The following MLIP variants were observed in gnomAD, a reference collection of about 807,000 sequenced individuals.
MLIP encodes the protein muscular LMNA interacting protein, also known as muscular LMNA-interacting protein.
MLIP carries 79 observed loss-of-function variants against 84.8 expected under a neutral mutation model. The observed-to-expected ratio is 0.93, with a 90% CI of 0.78 to 1.12. MLIP has a LOEUF of 1.12. Among genes scored for constraint, MLIP ranks in the 50% most tolerant of loss-of-function variants. The probability of loss-of-function intolerance (pLI) is 0.00; values close to 1 mark genes in which losing one functional copy is unlikely to be tolerated. For missense variants in MLIP, 1,257 were observed against 1,160.6 expected (o/e 1.08, Z -1.21); for synonymous variants, 504 against 463.0 (o/e 1.09, Z -1.14).
Position 54,158,883 on chromosome 6 carries a change from A to T in MLIP, c.2290-1484A>T, listed in dbSNP as rs1321887. Among the ~76,000 whole-genome samples, 55 of 134,672 alleles carry T rather than the reference A, an allele frequency of 4.1e-4. 1 individual carries two copies. Among genetic ancestry groups the T allele is most frequent in the South Asian group, 9.6e-4 (4 of 4,176 alleles). The allele number at this position is 134,672 out of a possible 152,430, so 88.4% of individuals were successfully genotyped here. ...GCAAGAAGTATGATAAAAAAAAAAA[A>T]TTTTCAAAGGGAAATGACAACCCCG... On this transcript the variant is annotated intron_variant, in intron 5 of 13. Coordinates refer to ENST00000502396, the MANE Select transcript of MLIP (RefSeq NM_001281747.2).
chr6:54,133,293 T>C (rs1192402950), intron 3 of MLIP, among the ~76,000 whole-genome samples: 1 of 152,160 alleles, frequency 6.6e-6, no homozygotes, highest in Non-Finnish European at 1.5e-5. Context: ...AAAGATTATT[T>C]AATGTGTTCA....
At chr6:54,244,999 T>C (rs1470375410) in intron 12 of MLIP, among the ~76,000 whole-genome samples, 3 of 152,198 alleles carry the variant, frequency 2.0e-5, no homozygotes, top group South Asian at 4.1e-4. Flanking sequence ...TTAAAGCTCT[T>C]GTAAAATAAC....
rs370480265 is a variant in MLIP, at chr6:54,263,078, C to T, written c.2977-2872C>T. 1.5e-4 allele frequency among the ~76,000 whole-genome samples: 23 copies of T among 152,118 alleles called. 1 individual carries two copies. Among genetic ancestry groups the T allele is most frequent in the African/African-American group, 5.5e-4 (23 of 41,518 alleles). On this transcript the variant is annotated intron_variant, in intron 13 of 13. Coordinates refer to ENST00000502396, the MANE Select transcript of MLIP (RefSeq NM_001281747.2). ...AGTTGGGTTTGATATTGTAGTGAGT[C>T]ATTGTCAAGTTGAGCAGAAGTCAGG...
intron 3 of MLIP, among the ~76,000 whole-genome samples, chr6:54,130,158 T>G (rs1771262582): frequency 6.6e-6 from 1 of 152,134 alleles, no homozygotes; most frequent in South Asian, 2.1e-4. Context: ...GCTGGCAGAA[T>G]CCCTATAGTC....
intron 12 of MLIP, among the ~76,000 whole-genome samples, chr6:54,245,936 G>A (rs1469422496): frequency 6.6e-6 from 1 of 152,122 alleles, no homozygotes; most frequent in African/African-American, 2.4e-5. Context: ...TGTGACCACT[G>A]TTTTACTCCT....
chr6:54,247,326 T>A (rs1782148640), intron 12 of MLIP, among the ~76,000 whole-genome samples: 1 of 152,104 alleles, frequency 6.6e-6, no homozygotes, highest in African/African-American at 2.4e-5. Flanking sequence ...TCCTTTGAAG[T>A]TTGAATAAAA....
At chr6:54,104,681 A>G (rs1768886478) in intron 1 of MLIP, among the ~76,000 whole-genome samples, 1 of 152,098 alleles carries the variant, frequency 6.6e-6, no homozygotes, top group Non-Finnish European at 1.5e-5. Flanking sequence ...AAGACCACAA[A>G]TAGAATTTTA....
At chr6:54,087,548 C>T (rs1056292350) in intron 1 of MLIP, among the ~76,000 whole-genome samples, 1 of 152,142 alleles carries the variant, frequency 6.6e-6, no homozygotes, top group Admixed American at 6.6e-5. Context: ...GGGGCCAACA[C>T]ATTTCCAGTA....
intron 12 of MLIP, among the ~76,000 whole-genome samples, chr6:54,249,131 G>A (rs931780049): frequency 2.0e-5 from 3 of 151,984 alleles, no homozygotes; most frequent in Non-Finnish European, 4.4e-5. Flanking sequence ...TTATTTCTGA[G>A]GTAGCATCAG....
At chr6:54,162,054 AT>A (rs575149056) in intron 8 of MLIP, among the ~76,000 whole-genome samples, 34 of 151,992 alleles carry the variant, frequency 2.2e-4, no homozygotes, top group Non-Finnish European at 4.9e-4. Flanking sequence ...AAAACCCAGT[AT>A]TTTAGGCCAC....
rs1278284942 is a variant in MLIP at position 54,065,500 on chromosome 6, T to C, written c.63+46409T>C. ...TTCCAAGGAAAAGCAATTACAAAAG[T>C]CTTAAACAACAGCAGAAGGGCATTC... On this transcript the variant is annotated intron_variant, in intron 1 of 12. Coordinates refer to the MLIP transcript ENST00000274897. Among the ~76,000 whole-genome samples, 2 of 100,076 alleles carry C rather than the reference T, an allele frequency of 2.0e-5. 1 individual carries two copies. The highest frequency in any genetic ancestry group is 5.3e-4 in the East Asian group (2 of 3,768). The allele number at this position is 100,076 out of a possible 152,430, so 65.7% of individuals were successfully genotyped here.
intron 1 of MLIP, among the ~76,000 whole-genome samples, chr6:54,071,299 T>G (rs1474640559): frequency 6.6e-6 from 1 of 152,138 alleles, no homozygotes; most frequent in Non-Finnish European, 1.5e-5. Context: ...TATGCATGAA[T>G]GCTGTTTCTA....
intron 11 of MLIP, among the ~76,000 whole-genome samples, chr6:54,208,104 G>A (rs1194219475): frequency 6.6e-6 from 1 of 151,706 alleles, no homozygotes; most frequent in East Asian, 1.9e-4. Flanking sequence ...CTCCAGGCTG[G>A]GCAACAGAGC....
intron 11 of MLIP, among the ~76,000 whole-genome samples, chr6:54,218,520 A>G (rs1212132979): frequency 3.3e-5 from 5 of 152,064 alleles, no homozygotes; most frequent in Non-Finnish European, 5.9e-5. Flanking sequence ...ACTACACTAA[A>G]TTTATTAATA....
chr6:54,206,748 T>C (rs1779058107), intron 11 of MLIP, among the ~76,000 whole-genome samples: 1 of 152,214 alleles, frequency 6.6e-6, no homozygotes, highest in Non-Finnish European at 1.5e-5. Context: ...CATCAAGTTG[T>C]ATTTCAACTG....
At chr6:54,157,944 G>T (rs1378753376) in intron 5 of MLIP, among the ~76,000 whole-genome samples, 2 of 152,126 alleles carry the variant, frequency 1.3e-5, no homozygotes, top group Non-Finnish European at 2.9e-5. Flanking sequence ...TTAATACAGA[G>T]AAGTGGATTT....
chr6:54,251,517 G>C (rs1782486772), intron 12 of MLIP, among the ~76,000 whole-genome samples: 1 of 101,990 alleles, frequency 9.8e-6, no homozygotes, highest in South Asian at 2.7e-4. Flanking sequence ...GGAATATATA[G>C]GTACAAACAC....
At chr6:54,223,088 G>A (rs1326917525) in intron 11 of MLIP, among the ~76,000 whole-genome samples, 1 of 151,364 alleles carries the variant, frequency 6.6e-6, no homozygotes, top group Non-Finnish European at 1.5e-5. Flanking sequence ...TGCTTTTTTG[G>A]TATTGAGTTG....
chr6:54,178,509 C>T lies in MLIP; in HGVS notation c.2544+8937C>T, dbSNP rs150603949. 2.9e-3 allele frequency among the ~76,000 whole-genome samples: 446 copies of T among 152,092 alleles called. 19 individuals carry two copies. The East Asian group carries it at 0.075, about 25-fold the overall frequency. On this transcript the variant is annotated intron_variant, in intron 9 of 13. Transcript: ENST00000502396. The stretch of plus-strand genomic sequence containing the variant: ...GTTTAAGGTGTTTTATTAGGTTATT[C>T]AAAGTTTGTTTTTTATGTAGGCACT...
Sources: allele counts gnomAD v4.1 joint callset (sites outside exome capture counted in the v4.1 genomes callset), GRCh38; gene constraint gnomAD v4.1.1; transcripts MANE v1.5; gene names NCBI Gene and HGNC (gene_info 2026-07-23, HGNC 2026-07-21).